Variants in CFAP53 observed in about 807,000 individuals in gnomAD.
CFAP53 encodes the protein cilia- and flagella-associated protein 53.
CFAP53 carries 62 observed loss-of-function variants against 59.7 expected under a neutral mutation model. The ratio of observed to expected loss-of-function variants is 1.04; its 90% CI spans 0.85 to 1.28. The LOEUF is 1.28. CFAP53 is among the 50% of genes most tolerant of loss of function. CFAP53 has a pLI of 0.00. For synonymous variants in CFAP53, 218 were observed against 205.7 expected (o/e 1.06, Z -0.51); for missense variants, 629 against 615.6 (o/e 1.02, Z -0.23).
Position 50,261,046 on chromosome 18 carries a change from GT to G in CFAP53, c.473+17del. On this transcript the variant is annotated intron_variant, in intron 3 of 7. Transcript: ENST00000398545. Reference sequence around the variant, plus strand: ...TACCAACTTTGGATTCTGTTTGTGTGTTTTCTGATTTCATTACCTGAATTGC... The same window carrying G: ...TACCAACTTTGGATTCTGTTTGTGTGTTTCTGATTTCATTACCTGAATTGC... The G allele has an allele frequency of 6.3e-7, 1 of 1,586,218 alleles. No homozygotes were observed. Among genetic ancestry groups the G allele is most frequent in the South Asian group, 1.2e-5 (1 of 84,326 alleles).
chr18:50,229,610 C>T (rs76977256), intron 7 of CFAP53, among the ~76,000 whole-genome samples: 9 of 152,190 alleles, frequency 5.9e-5, no homozygotes, highest in African/African-American at 1.4e-4. Context: ...AAGTGGGTTG[C>T]CAGATTATGT....
Position 50,227,961 on chromosome 18 carries a change from T to TTTA in CFAP53, c.1317-353_1317-352insTAA, listed in dbSNP as rs1212256646. Among the ~76,000 whole-genome samples, 229 of 128,852 alleles carry TTTA rather than the reference T, an allele frequency of 1.8e-3. 1 individual carries two copies. Among genetic ancestry groups the TTTA allele is most frequent in the African/African-American group, 6.2e-3 (217 of 34,746 alleles). 84.5% of individuals were successfully genotyped at this position (128,852 alleles called of 152,430 possible). A position where few individuals can be genotyped will look rare whatever the true frequency, so the allele number is the denominator to read the frequency against. ...GCTCAATTCAACTTTTCTCCTTTTT[T>TTTA]TTTTTTTTTTTTTTTTGAGACGGAG... On this transcript the variant is annotated intron_variant, in intron 7 of 7. Transcript: ENST00000398545.
At chr18:50,257,401 G>T (rs1444395246) in intron 3 of CFAP53, among the ~76,000 whole-genome samples, 2 of 152,158 alleles carry the variant, frequency 1.3e-5, no homozygotes, top group Non-Finnish European at 2.9e-5. Flanking sequence ...TCTTAGAACT[G>T]CAAAACAAAT....
At position 50,228,747 on chromosome 18, in the gene CFAP53, C is replaced by T. The variant is rs145775975; in HGVS notation, c.1317-1138G>A. ...CGGAGGTTGCAGTGAGCCAAGACTGCGCCATTGCACTCCAGCCTGGGTAAC... is the reference window on the plus strand; with the variant it reads ...CGGAGGTTGCAGTGAGCCAAGACTGTGCCATTGCACTCCAGCCTGGGTAAC... On this transcript the variant is annotated intron_variant, in intron 7 of 7. Transcript: ENST00000398545. Among the ~76,000 whole-genome samples, 885 of 152,142 alleles carry T rather than the reference C, an allele frequency of 5.8e-3. 11 individuals are homozygous for T. The highest frequency in any genetic ancestry group is 0.018 in the African/African-American group (748 of 41,494).
intron 7 of CFAP53, among the ~76,000 whole-genome samples, chr18:50,231,698 G>T (rs2033585286): frequency 6.6e-6 from 1 of 152,196 alleles, no homozygotes; most frequent in Non-Finnish European, 1.5e-5. Flanking sequence ...ACCTGGCCTG[G>T]AAGAGAGGAA....
intron 3 of CFAP53, among the ~76,000 whole-genome samples, chr18:50,254,211 A>G (rs1327765140): frequency 1.5e-4 from 23 of 151,960 alleles, no homozygotes; most frequent in Non-Finnish European, 1.5e-5. Context: ...GAATACATAA[A>G]GAATCCTTAA....
At position 50,242,883 on chromosome 18, in the gene CFAP53, G is replaced by C. The variant is rs373959289; in HGVS notation, c.1213+17C>G. 4.4e-6 allele frequency: 7 copies of C among 1,593,194 alleles called. No homozygotes were observed. In the Admixed American group the frequency reaches 1.2e-4, roughly 27 times the overall value. On this transcript the variant is annotated intron_variant, in intron 6 of 7. Transcript: ENST00000398545. ...ATTAAGGGCAAGCTATAATATAACT[G>C]TAATTCAGTTCCTTACACTTTTCTT...
chr18:50,253,014 G>C (rs1599127658), intron 3 of CFAP53, among the ~76,000 whole-genome samples: 2 of 150,882 alleles, frequency 1.3e-5, no homozygotes, highest in African/African-American at 4.9e-5. Flanking sequence ...GTAAGACCCT[G>C]TTTCTTTTTT....
chr18:50,244,889 C>T lies in CFAP53; in HGVS notation c.997-1773G>A, dbSNP rs1037552072. 4.0e-5 allele frequency among the ~76,000 whole-genome samples: 6 copies of T among 151,472 alleles called. No homozygotes were observed. In the South Asian group the frequency reaches 8.3e-4, roughly 21 times the overall value. On this transcript the variant is annotated intron_variant, in intron 5 of 7. Coordinates refer to ENST00000398545, the MANE Select transcript of CFAP53 (RefSeq NM_145020.5). Reference sequence around the variant, plus strand: ...CAGCCTGGCCAACATGGTAAAACCCCGTCTCTACTAAAAATACAAAAAAAT... The same window carrying T: ...CAGCCTGGCCAACATGGTAAAACCCTGTCTCTACTAAAAATACAAAAAAAT...
At chr18:50,239,442 T>C (rs1016576639) in intron 6 of CFAP53, among the ~76,000 whole-genome samples, 1 of 152,160 alleles carries the variant, frequency 6.6e-6, no homozygotes, top group Non-Finnish European at 1.5e-5. Flanking sequence ...GAAACAGAGT[T>C]TACAAAATAA....
At position 50,251,468 on chromosome 18, in the gene CFAP53, T is replaced by C. The variant is rs2033798696; in HGVS notation, c.777+13A>G. 6.2e-7 allele frequency: 1 copy of C among 1,607,284 alleles called. No homozygotes were observed. The highest frequency in any genetic ancestry group is 8.5e-7 in the Non-Finnish European group (1 of 1,177,738). On this transcript the variant is annotated intron_variant, in intron 4 of 7. Transcript: ENST00000398545. Reference sequence around the variant, plus strand: ...GCGTTGATCACCCTCTAACAAGCATTTTAAAGGCCCACCACAAGGCGTGCC... The same window carrying C: ...GCGTTGATCACCCTCTAACAAGCATCTTAAAGGCCCACCACAAGGCGTGCC...
At chr18:50,261,293 A>G (rs2033891865) in intron 2 of CFAP53, 56 bp from the exon 3 acceptor site, 3 of 1,430,298 alleles carry the variant, frequency 2.1e-6, no homozygotes, top group Admixed American at 3.1e-5. Flanking sequence ...TGCTACATGC[A>G]TCGTTATATT....
rs1568159700 is a variant in CFAP53 at position 50,261,042 on chromosome 18, GTGTGT to G, written c.473+17_473+21del. On this transcript the variant is annotated intron_variant, in intron 3 of 7. Transcript: ENST00000398545. Reference sequence around the variant, plus strand: ...AATGTACCAACTTTGGATTCTGTTTGTGTGTTTTCTGATTTCATTACCTGAATTGC... The same window carrying G: ...AATGTACCAACTTTGGATTCTGTTTGTTTCTGATTTCATTACCTGAATTGC... The G allele has an allele frequency of 6.3e-7, 1 of 1,585,276 alleles. No individual in the cohort carries two copies. The highest frequency in any genetic ancestry group is 2.2e-5 in the East Asian group (1 of 44,486).
chr18:50,237,843 T>C (rs1321174866), intron 7 of CFAP53, among the ~76,000 whole-genome samples: 1 of 152,202 alleles, frequency 6.6e-6, no homozygotes, highest in African/African-American at 2.4e-5. Flanking sequence ...CAGAGTGTTC[T>C]AGTGCAGTAA....
intron 6 of CFAP53, among the ~76,000 whole-genome samples, chr18:50,241,438 A>G (rs2033688900): frequency 1.3e-5 from 2 of 152,198 alleles, no homozygotes; most frequent in Non-Finnish European, 2.9e-5. Context: ...AAAGATATCT[A>G]GATTTCTCAT....
chr18:50,243,371 T>C (rs2033712188), intron 5 of CFAP53, among the ~76,000 whole-genome samples: 1 of 152,222 alleles, frequency 6.6e-6, no homozygotes, highest in South Asian at 2.1e-4. Context: ...TGGGGACTCA[T>C]TGTGCAATTC....
Position 50,243,072 on chromosome 18 carries a change from T to C in CFAP53, c.1041A>G (p.Ala347=), listed in dbSNP as rs1003235992. ...REQKIYHKYL[A]QRREEEKAQE... ...GAGCTTTTTCTTCCTCACGTCTCTG[T>C]GCCAAATATTTATGGTATATCTTCT... is the stretch of plus-strand genomic sequence containing the variant. The change falls in exon 6 of 8, where the codon GCA becomes GCG. Residue 347 remains alanine, a synonymous_variant. Transcript: ENST00000398545. The C allele has an allele frequency of 1.9e-6, 3 of 1,613,400 alleles. No homozygotes were observed. The highest frequency in any genetic ancestry group is 2.2e-5 in the East Asian group (1 of 44,886).
chr18:50,236,914 A>G (rs1166332022), intron 7 of CFAP53, among the ~76,000 whole-genome samples: 1 of 152,134 alleles, frequency 6.6e-6, no homozygotes, highest in African/African-American at 2.4e-5. Flanking sequence ...ACCTCTGCCC[A>G]TAATTTCTTC....
intron 3 of CFAP53, among the ~76,000 whole-genome samples, chr18:50,254,492 G>A (rs2033829758): frequency 6.6e-6 from 1 of 152,100 alleles, no homozygotes; most frequent in South Asian, 2.1e-4. Context: ...ACTACCAAAA[G>A]GACCAGGATG....
Sources: gnomAD v4.1 joint callset for allele counts (sites outside exome capture counted in the v4.1 genomes callset) on GRCh38, gnomAD v4.1.1 for gene constraint, MANE v1.5 for transcripts, NCBI Gene and HGNC (gene_info 2026-07-23, HGNC 2026-07-21) for gene names.